Variants in TP63 observed in about 807,000 individuals in gnomAD.
TP63 encodes the protein tumor protein p63.
In TP63, 17 loss-of-function variants were observed where a neutral mutation model predicts 82.8. That is an observed-to-expected ratio of 0.21 (90% CI 0.14 to 0.31). The LOEUF is 0.31. Among genes scored for constraint, TP63 ranks in the 10% least tolerant of loss-of-function variants. TP63 has a pLI of 1.00. For synonymous variants in TP63, 330 were observed against 321.7 expected (o/e 1.03, Z -0.28); for missense variants, 648 against 895.3 (o/e 0.72, Z 3.52).
intron 11 of TP63, among the ~76,000 whole-genome samples, chr3:189,886,940 G>A (rs1560302588): frequency 2.0e-5 from 3 of 152,144 alleles, no homozygotes; most frequent in Non-Finnish European, 4.4e-5. Context: ...CGGGCATGGT[G>A]GCTCACGACT....
chr3:189,623,959 A>T, the TP63 span, among the ~76,000 whole-genome samples: 1 of 152,192 alleles, frequency 6.6e-6, no homozygotes, highest in Non-Finnish European at 1.5e-5. Flanking sequence ...GTCCTCTTAC[A>T]CTGGCTGTTT....
In TP63 at chr3:189,881,290, T is replaced by C; in HGVS notation, c.1350-5104T>C. 3 of 985,374 alleles carry C rather than the reference T, an allele frequency of 3.0e-6. No individual in the cohort carries two copies. In the South Asian group the frequency reaches 1.4e-4, roughly 46 times the overall value. The allele number at this position is 985,374 out of a possible 1,614,324, so 61.0% of individuals were successfully genotyped here. A position where few individuals can be genotyped will look rare whatever the true frequency, so the allele number is the denominator to read the frequency against. The stretch of plus-strand genomic sequence containing the variant: ...CTTTTCTTTTTTTTACTCAAAAGTT[T>C]AGAGAATCTCTGTTTCTTTCCATTT... On this transcript the variant is annotated intron_variant, in intron 10 of 13. Coordinates refer to ENST00000264731, the MANE Select transcript of TP63 (RefSeq NM_003722.5).
chr3:189,860,498 CA>C (rs1264402285), intron 4 of TP63, among the ~76,000 whole-genome samples: 2 of 151,878 alleles, frequency 1.3e-5, no homozygotes, highest in Admixed American at 1.3e-4. Context: ...AACAGATTTG[CA>C]AACAATGAAG....
chr3:189,691,943 G>T (rs1322196182), intron 1 of TP63, among the ~76,000 whole-genome samples: 1 of 152,178 alleles, frequency 6.6e-6, no homozygotes, highest in East Asian at 1.9e-4. Context: ...TGCTTTTCAA[G>T]ATCAAGCTTG....
intron 3 of TP63, among the ~76,000 whole-genome samples, chr3:189,807,314 A>G (rs915464828): frequency 3.3e-5 from 5 of 152,262 alleles, no homozygotes; most frequent in African/African-American, 9.6e-5. Flanking sequence ...GTGTTAGCGG[A>G]TGCTAGGGCA....
chr3:189,800,495 A>G (rs909727731), intron 3 of TP63, among the ~76,000 whole-genome samples: 18 of 152,024 alleles, frequency 1.2e-4, no homozygotes, highest in African/African-American at 3.9e-4. Context: ...AAAAAGAAAA[A>G]AAAAGCAAAT....
intron 9 of TP63, 73 bp from the exon 10 acceptor site, chr3:189,872,786 T>G: frequency 2.4e-5 from 39 of 1,600,862 alleles, no homozygotes; most frequent in Middle Eastern, 1.7e-4. Flanking sequence ...CCTCAAATAA[T>G]GAGGATTGAC....
chr3:189,766,438 G>C (rs1211250682), intron 3 of TP63, among the ~76,000 whole-genome samples: 1 of 151,866 alleles, frequency 6.6e-6, no homozygotes, highest in African/African-American at 2.4e-5. Context: ...CTGTGGAGGT[G>C]GGGTGGGTGG....
chr3:189,738,163 G>A (rs958558135), intron 2 of TP63, among the ~76,000 whole-genome samples: 20 of 152,144 alleles, frequency 1.3e-4, no homozygotes, highest in Non-Finnish European at 2.1e-4. Context: ...CCTTTGGCTT[G>A]AAGACTTATC....
chr3:189,658,400 A>G (rs1449244023), intron 1 of TP63, among the ~76,000 whole-genome samples: 1 of 152,040 alleles, frequency 6.6e-6, no homozygotes, highest in Admixed American at 6.6e-5. Flanking sequence ...TGCATGTAGT[A>G]CTTCCAACCA....
chr3:189,772,542 C>A (rs1008254268), intron 3 of TP63, among the ~76,000 whole-genome samples: 3 of 152,204 alleles, frequency 2.0e-5, no homozygotes, highest in African/African-American at 7.2e-5. Context: ...GTCATTTTGC[C>A]TAACAGCAGC....
chr3:189,870,294 T>C (rs2108812256), intron 9 of TP63, among the ~76,000 whole-genome samples: 1 of 151,748 alleles, frequency 6.6e-6, no homozygotes, highest in East Asian at 1.9e-4. Flanking sequence ...ATTCAACCAA[T>C]CACAGATCAA....
chr3:189,765,242 A>G (rs1722848392), intron 3 of TP63, among the ~76,000 whole-genome samples: 1 of 17,460 alleles, frequency 5.7e-5, no homozygotes, highest in African/African-American at 1.3e-4. Context: ...GAGAATATAG[A>G]GCAGAAAAAA....
At chr3:189,739,142 A>C in intron 3 of TP63, among the ~76,000 whole-genome samples, 1 of 152,036 alleles carries the variant, frequency 6.6e-6, no homozygotes, top group South Asian at 2.1e-4. Flanking sequence ...ATTTGACAGA[A>C]TCTTACTCTG....
chr3:189,647,030 T>C (rs1297086676), intron 1 of TP63, among the ~76,000 whole-genome samples: 1 of 147,262 alleles, frequency 6.8e-6, no homozygotes, highest in Non-Finnish European at 1.5e-5. Flanking sequence ...TGGTGACTCT[T>C]GGCAGCAGTG....
chr3:189,740,856 A>G (rs578095790), intron 3 of TP63, among the ~76,000 whole-genome samples: 12 of 152,282 alleles, frequency 7.9e-5, no homozygotes, highest in African/African-American at 2.9e-4. Context: ...TATTCTTGGA[A>G]ATGTTCTCCT....
In TP63 at chr3:189,752,650, T is replaced by G. The variant is rs528092834; in HGVS notation, c.324+13876T>G. On this transcript the variant is annotated intron_variant, in intron 3 of 13. Coordinates refer to ENST00000264731, the MANE Select transcript of TP63 (RefSeq NM_003722.5). ...ATCGGTTTCCCTGTTTTTCTCTCTTTCCATTTTCAACTTGATTATTTCCGG... is the reference window on the plus strand; with the variant it reads ...ATCGGTTTCCCTGTTTTTCTCTCTTGCCATTTTCAACTTGATTATTTCCGG... 2.6e-3 allele frequency among the ~76,000 whole-genome samples: 389 copies of G among 152,222 alleles called. 4 individuals carry two copies. The highest frequency in any genetic ancestry group is 8.8e-3 in the African/African-American group (367 of 41,560).
intron 4 of TP63, among the ~76,000 whole-genome samples, chr3:189,823,483 A>G (rs1350023449): frequency 6.6e-6 from 1 of 152,124 alleles, no homozygotes; most frequent in African/African-American, 2.4e-5. Context: ...GGAGCTGAGC[A>G]CTCAGTCGGT....
chr3:189,888,667 T>C (rs1720709740), intron 11 of TP63, among the ~76,000 whole-genome samples: 1 of 152,246 alleles, frequency 6.6e-6, no homozygotes, highest in African/African-American at 2.4e-5. Flanking sequence ...TATTAAACTT[T>C]TTTTCTCTAT....
Sources: allele counts gnomAD v4.1 joint callset (sites outside exome capture counted in the v4.1 genomes callset), GRCh38; gene constraint gnomAD v4.1.1; transcripts MANE v1.5; gene names NCBI Gene and HGNC (gene_info 2026-07-23, HGNC 2026-07-21).